PCCA: variants seen among roughly 807,000 people sequenced by gnomAD.
PCCA encodes the protein propionyl-CoA carboxylase subunit alpha.
PCCA carries 74 observed loss-of-function variants against 101.3 expected under a neutral mutation model. That is an observed-to-expected ratio of 0.73 (90% CI 0.61 to 0.89). The LOEUF is 0.89. PCCA is among the 40% of genes least tolerant of loss of function. The pLI, the probability that PCCA is intolerant of heterozygous loss-of-function variation, is 0.00. For missense variants in PCCA, 891 were observed against 907.0 expected, an observed-to-expected ratio of 0.98 and a Z score of 0.23; for synonymous variants, 294 against 313.6, an observed-to-expected ratio of 0.94 and a Z score of 0.66.
chr13:100,134,463 T>C (rs910089751), intron 4 of PCCA, among the ~76,000 whole-genome samples: 3 of 152,252 alleles, frequency 2.0e-5, no homozygotes, highest in Admixed American at 6.5e-5. Flanking sequence ...TTTTGTTGAA[T>C]CTACATCAGT....
At chr13:100,248,511 A>G (rs2061576934) in intron 8 of PCCA, among the ~76,000 whole-genome samples, 1 of 152,174 alleles carries the variant, frequency 6.6e-6, no homozygotes, top group Non-Finnish European at 1.5e-5. Context: ...ACATAGTAGT[A>G]TCTCATAGTT....
intron 10 of PCCA, 92 bp downstream of exon 10, chr13:100,262,923 G>A (rs762148581): frequency 2.4e-5 from 17 of 701,048 alleles, no homozygotes; most frequent in Admixed American, 4.0e-5. Context: ...TAGAATGATT[G>A]TGAGTTGTGC....
In PCCA at chr13:100,305,993, A is replaced by G. The variant is rs556712654; in HGVS notation, c.1285-1199A>G. Among the ~76,000 whole-genome samples, 11 of 152,352 alleles carry G rather than the reference A, an allele frequency of 7.2e-5. No individual in the cohort carries two copies. In the South Asian group the frequency reaches 2.3e-3, roughly 32 times the overall value. On this transcript the variant is annotated intron_variant, in intron 14 of 23. Transcript: ENST00000376285. The stretch of plus-strand genomic sequence containing the variant: ...CCTTTTACAACCTTACAAAGAGAAT[A>G]ATAGTAGTGTGAATTTTAAGAAAAT...
chr13:100,097,347 G>T (rs138770107), intron 1 of PCCA, among the ~76,000 whole-genome samples: 1 of 152,112 alleles, frequency 6.6e-6, no homozygotes, highest in Non-Finnish European at 1.5e-5. Flanking sequence ...ATGCCTTGTG[G>T]ATATACTAAA....
intron 12 of PCCA, among the ~76,000 whole-genome samples, chr13:100,286,706 C>T (rs964663912): frequency 1.3e-5 from 2 of 149,368 alleles, no homozygotes; most frequent in African/African-American, 2.5e-5. Context: ...AAAGAAGAAG[C>T]TTCTCTGGAT....
At chr13:100,409,545 G>A (rs1228999113) in intron 19 of PCCA, among the ~76,000 whole-genome samples, 1 of 152,146 alleles carries the variant, frequency 6.6e-6, no homozygotes, top group African/African-American at 2.4e-5. Flanking sequence ...GCCAAACGGT[G>A]CAGATGGTGA....
chr13:100,526,295 G>A (rs564391147), intron 22 of PCCA, among the ~76,000 whole-genome samples: 12 of 152,336 alleles, frequency 7.9e-5, no homozygotes, highest in Admixed American at 2.0e-4. Flanking sequence ...CAGATGCCAC[G>A]TGAAAATGAA....
intron 18 of PCCA, among the ~76,000 whole-genome samples, chr13:100,358,861 C>T (rs775187844): frequency 1.1e-4 from 16 of 151,988 alleles, no homozygotes; most frequent in South Asian, 2.1e-4. Context: ...GGTGTTTAGC[C>T]GAGGTGGGCA....
At chr13:100,195,461 C>T (rs1029968068) in intron 6 of PCCA, among the ~76,000 whole-genome samples, 1 of 152,072 alleles carries the variant, frequency 6.6e-6, no homozygotes, top group African/African-American at 2.4e-5. Context: ...TTTTCATTAG[C>T]GTTCTAATAT....
At chr13:100,174,830 C>T (rs2056087131) in intron 6 of PCCA, among the ~76,000 whole-genome samples, 1 of 151,438 alleles carries the variant, frequency 6.6e-6, no homozygotes, top group South Asian at 2.1e-4. Flanking sequence ...GAGTATTACT[C>T]TTCTTTATGA....
rs966272516 is a variant in PCCA, at chr13:100,341,979, A to ATATATATATATATATG, written c.1643+1723_1643+1724insATATATATATATGTAT. On this transcript the variant is annotated intron_variant, in intron 18 of 23. Transcript: ENST00000376285. ...AAAGTATATATATATATATATATAT[A>ATATATATATATATATG]TATGTATTTATGTGTGTGTATATAT... Among the ~76,000 whole-genome samples, 185 of 114,476 alleles carry ATATATATATATATATG rather than the reference A, an allele frequency of 1.6e-3. 3 individuals are homozygous for ATATATATATATATATG. The East Asian group carries it at 0.024, about 15-fold the overall frequency. 75.1% of individuals were successfully genotyped at this position (114,476 alleles called of 152,430 possible). A position where few individuals can be genotyped will look rare whatever the true frequency, so the allele number is the denominator to read the frequency against.
intron 19 of PCCA, among the ~76,000 whole-genome samples, chr13:100,390,454 A>G (rs990516963): frequency 6.6e-6 from 1 of 152,200 alleles, no homozygotes; most frequent in Non-Finnish European, 1.5e-5. Context: ...GGTCTCCAGT[A>G]GTATAAATGG....
intron 6 of PCCA, among the ~76,000 whole-genome samples, chr13:100,181,240 A>G (rs1031513927): frequency 2.6e-5 from 4 of 152,226 alleles, no homozygotes; most frequent in Admixed American, 2.0e-4. Context: ...TGTTATGGCA[A>G]GAAGAGAGCT....
At chr13:100,186,213 T>A (rs777598042) in intron 6 of PCCA, among the ~76,000 whole-genome samples, 10 of 152,154 alleles carry the variant, frequency 6.6e-5, no homozygotes, top group Admixed American at 6.5e-5. Context: ...GGGCCAAAAG[T>A]AGAGTAGGGC....
chr13:100,132,208 T>A (rs1407517078), intron 4 of PCCA, among the ~76,000 whole-genome samples: 1 of 129,592 alleles, frequency 7.7e-6, no homozygotes, highest in Admixed American at 7.5e-5. Flanking sequence ...CATACCCTTC[T>A]GTGGATATCA....
chr13:100,314,391 G>A (rs2067166344), intron 16 of PCCA, among the ~76,000 whole-genome samples: 1 of 152,074 alleles, frequency 6.6e-6, no homozygotes, highest in Non-Finnish European at 1.5e-5. Context: ...ATGAAGGCCT[G>A]ACTAGGTAGG....
chr13:100,435,651 A>G (rs1407285486), intron 20 of PCCA, among the ~76,000 whole-genome samples: 1 of 152,232 alleles, frequency 6.6e-6, no homozygotes, highest in Non-Finnish European at 1.5e-5. Context: ...ATTGCAAGTT[A>G]TCCAGGTTCT....
chr13:100,444,058 C>T lies in PCCA; in HGVS notation c.1846-5194C>T, dbSNP rs77476459. Among the ~76,000 whole-genome samples, 232 of 152,144 alleles carry T rather than the reference C, an allele frequency of 1.5e-3. 5 individuals carry two copies. The East Asian group carries it at 0.041, about 27-fold the overall frequency. ...AAGATCTGACCTGGGTTTATAATTCCTTCCTGGTTTCCTTTCTTGCCACTT... is the reference window on the plus strand; with the variant it reads ...AAGATCTGACCTGGGTTTATAATTCTTTCCTGGTTTCCTTTCTTGCCACTT... On this transcript the variant is annotated intron_variant, in intron 20 of 23. Coordinates refer to ENST00000376285, the MANE Select transcript of PCCA (RefSeq NM_000282.4).
At chr13:100,322,482 TTATA>T (rs1324637372) in intron 16 of PCCA, among the ~76,000 whole-genome samples, 1 of 152,126 alleles carries the variant, frequency 6.6e-6, no homozygotes, top group Non-Finnish European at 1.5e-5. Flanking sequence ...TTATATATAA[TTATA>T]TATATGTAAC....
Sources: allele counts gnomAD v4.1 joint callset (sites outside exome capture counted in the v4.1 genomes callset), GRCh38; gene constraint gnomAD v4.1.1; transcripts MANE v1.5; gene names NCBI Gene and HGNC (gene_info 2026-07-23, HGNC 2026-07-21).